RASGRP3: variants seen among roughly 807,000 people sequenced by gnomAD.
RASGRP3 encodes the protein ras guanyl-releasing protein 3.
RASGRP3 carries 54 observed loss-of-function variants against 82.7 expected under a neutral mutation model. That is an observed-to-expected ratio of 0.65 (90% confidence interval 0.52 to 0.82). The LOEUF (loss-of-function observed/expected upper bound fraction) is 0.82, where lower values mean the gene tolerates loss of function less well. RASGRP3 is among the 40% of genes least tolerant of loss of function. The pLI, the probability that RASGRP3 is intolerant of heterozygous loss-of-function variation, is 0.00. For synonymous variants in RASGRP3, 309 were observed against 300.5 expected (o/e 1.03, Z -0.29); for missense variants, 861 against 828.9 (o/e 1.04, Z -0.48).
rs1427585150 is a variant in RASGRP3 at position 33,558,320 on chromosome 2, C to T, written c.1689C>T (p.Ser563=). 1 of 1,613,454 alleles carries T rather than the reference C, an allele frequency of 6.2e-7. No individual in the cohort carries two copies. The highest frequency in any genetic ancestry group is 1.1e-5 in the South Asian group (1 of 90,996). Reference sequence around the variant, plus strand: ...GTGGTCATGGGTCACTGCCTGGAAGCCCCTCGCTGCCCCCAGGTAATGCCC... The same window carrying T: ...GTGGTCATGGGTCACTGCCTGGAAGTCCCTCGCTGCCCCCAGGTAATGCCC... ...LSSGHGSLPG[S]PSLPPAQDEV... The change falls in exon 16 of 18, where the codon AGC becomes AGT. Residue 563 remains serine (S), a synonymous_variant. Transcript: ENST00000403687.
chr2:33,473,442 G>A (rs759784294), upstream of RASGRP3, among the ~76,000 whole-genome samples: 5 of 152,142 alleles, frequency 3.3e-5, no homozygotes, highest in Admixed American at 1.3e-4. Context: ...ATGTGAGAAC[G>A]TGAGCATGTT....
chr2:33,441,463 C>G (rs1378423339), intron 1 of RASGRP3, among the ~76,000 whole-genome samples: 1 of 152,236 alleles, frequency 6.6e-6, no homozygotes, highest in African/African-American at 2.4e-5. Context: ...AGCCCAGAGA[C>G]AGCAGAGCCA....
chr2:33,485,786 CCT>C (rs2150948439), intron 1 of RASGRP3, among the ~76,000 whole-genome samples: 1 of 152,268 alleles, frequency 6.6e-6, no homozygotes, highest in South Asian at 2.1e-4. Flanking sequence ...TTGCTTTCAA[CCT>C]CTCTTTGGAA....
intron 11 of RASGRP3, among the ~76,000 whole-genome samples, chr2:33,534,887 G>T (rs1259246056): frequency 6.6e-6 from 1 of 151,846 alleles, no homozygotes. Flanking sequence ...GTCAGTTTGA[G>T]AATTATGTCT....
chr2:33,503,882 G>A (rs1670110135), intron 1 of RASGRP3, among the ~76,000 whole-genome samples: 1 of 152,088 alleles, frequency 6.6e-6, no homozygotes, highest in Admixed American at 6.6e-5. Flanking sequence ...ACTGTCAATA[G>A]TGAAACTGGA....
intron 14 of RASGRP3, 90 bp downstream of exon 14, chr2:33,549,841 ACT>A: frequency 7.1e-7 from 1 of 1,403,910 alleles, no homozygotes; most frequent in South Asian, 1.5e-5. Flanking sequence ...AATAAAGTTC[ACT>A]GTCTGCTTTG....
At chr2:33,514,975 T>C in intron 2 of RASGRP3, 35 bp from the exon 3 acceptor site, 1 of 643,434 alleles carries the variant, frequency 1.6e-6, no homozygotes, top group South Asian at 2.0e-5. Flanking sequence ...TGAACTCTAG[T>C]CTAATAACTT....
At chr2:33,493,112 T>G (rs1668998878) in intron 1 of RASGRP3, 1 of 152,234 alleles carries the variant, frequency 6.6e-6, no homozygotes, top group South Asian at 2.1e-4. Context: ...TGAATTTTCT[T>G]TCAAGCTATT....
At chr2:33,497,336 A>G (rs1669420415) in intron 1 of RASGRP3, among the ~76,000 whole-genome samples, 1 of 152,232 alleles carries the variant, frequency 6.6e-6, no homozygotes, top group Non-Finnish European at 1.5e-5. Flanking sequence ...GCAAGGGTCT[A>G]AAACTGTGAA....
At chr2:33,539,007 C>A (rs2151067066) in intron 11 of RASGRP3, 87 bp from the exon 12 acceptor site, 4 of 968,746 alleles carry the variant, frequency 4.1e-6, no homozygotes, top group South Asian at 1.6e-5. Flanking sequence ...CCACTGCACT[C>A]CAGCCTGGGC....
intron 14 of RASGRP3, among the ~76,000 whole-genome samples, chr2:33,551,965 C>T (rs1675409655): frequency 6.6e-6 from 1 of 152,148 alleles, no homozygotes; most frequent in Admixed American, 6.5e-5. Context: ...TGCACTCCAG[C>T]CTGGGCGACA....
intron 7 of RASGRP3, among the ~76,000 whole-genome samples, chr2:33,523,162 A>G (rs1297455662): frequency 6.6e-6 from 1 of 152,100 alleles, no homozygotes; most frequent in Non-Finnish European, 1.5e-5. Context: ...GATTGGAATC[A>G]CCAGCAGTGT....
chr2:33,478,575 C>T (rs541623588), intron 1 of RASGRP3, among the ~76,000 whole-genome samples: 2 of 152,264 alleles, frequency 1.3e-5, no homozygotes, highest in East Asian at 1.9e-4. Context: ...TGAGAGCCAA[C>T]AGGCTCCTTT....
At chr2:33,499,144 C>T (rs191419714) in intron 1 of RASGRP3, among the ~76,000 whole-genome samples, 54 of 152,210 alleles carry the variant, frequency 3.5e-4, no homozygotes, top group Non-Finnish European at 7.4e-4. Flanking sequence ...GACCTCTGTT[C>T]CTCTCCTAAG....
intron 11 of RASGRP3, among the ~76,000 whole-genome samples, chr2:33,535,169 T>C (rs1318452079): frequency 6.6e-6 from 1 of 152,228 alleles, no homozygotes; most frequent in Non-Finnish European, 1.5e-5. Flanking sequence ...ACTCAGAATT[T>C]GGATGTCACA....
chr2:33,540,615 T>G (rs867730335), intron 12 of RASGRP3, among the ~76,000 whole-genome samples: 1 of 121,820 alleles, frequency 8.2e-6, no homozygotes. Context: ...TCTGGGGAAT[T>G]TCTCTCTCTC....
intron 14 of RASGRP3, among the ~76,000 whole-genome samples, chr2:33,552,983 C>G (rs1027421412): frequency 5.9e-5 from 9 of 152,190 alleles, no homozygotes; most frequent in Non-Finnish European, 1.3e-4. Context: ...CTGTTCTTGG[C>G]AGGCACACTG....
chr2:33,558,434 C>T, intron 16 of RASGRP3, 98 bp downstream of exon 16: 1 of 1,563,078 alleles, frequency 6.4e-7, no homozygotes. Context: ...CGGTCAGTCA[C>T]TCTAAACGCT....
rs1354210036 is a variant in RASGRP3, at chr2:33,511,817, G to T, written c.-153G>T. On this transcript the variant is annotated 5_prime_UTR_variant, in exon 2 of 18. The change creates a premature stop within an existing upstream ORF in the 5' untranslated region. Coordinates refer to ENST00000403687, the MANE Select transcript of RASGRP3 (RefSeq NM_001139488.2). ...TGCCCTTAAAATTCTTTCAGATTTGGAACTGTATCTGTATGGAAACAACAG... is the reference window on the plus strand; with the variant it reads ...TGCCCTTAAAATTCTTTCAGATTTGTAACTGTATCTGTATGGAAACAACAG... The T allele has an allele frequency of 1.3e-5, 2 of 152,556 alleles. No individual in the cohort carries two copies. Among genetic ancestry groups the T allele is most frequent in the Non-Finnish European group, 2.9e-5 (2 of 68,018 alleles). 9.5% of individuals were successfully genotyped at this position (152,556 alleles called of 1,614,324 possible).
Sources: gnomAD v4.1 joint callset for allele counts (sites outside exome capture counted in the v4.1 genomes callset) on GRCh38, gnomAD v4.1.1 for gene constraint, MANE v1.5 for transcripts, NCBI Gene and HGNC (gene_info 2026-07-23, HGNC 2026-07-21) for gene names.